Variants in PRKN observed in about 807,000 individuals in gnomAD.
PRKN encodes E3 ubiquitin-protein ligase parkin.
A neutral mutation model predicts 59.5 loss-of-function variants in PRKN; 56 were observed. The observed-to-expected ratio is 0.94, with a 90% CI of 0.76 to 1.18. PRKN has a LOEUF of 1.18. PRKN is among the 50% of genes most tolerant of loss of function. The pLI is 0.00. For synonymous variants in PRKN, 250 were observed against 222.1 expected (o/e 1.13, Z -1.12); for missense variants, 657 against 596.4 (o/e 1.10, Z -1.06).
chr6:161,445,040 T>C lies in PRKN; in HGVS notation c.1084-58163A>G, dbSNP rs72565320. Among the ~76,000 whole-genome samples the C allele has an allele frequency of 3.4e-3, 515 of 152,318 alleles. 22 individuals are homozygous for C. The East Asian group carries it at 0.084, about 25-fold the overall frequency. ...AGGTAACCAACCCCTGCCTACATTTTACTCTGGATTCCAAGAGTAGACTGG... is the reference window on the plus strand; with the variant it reads ...AGGTAACCAACCCCTGCCTACATTTCACTCTGGATTCCAAGAGTAGACTGG... On this transcript the variant is annotated intron_variant, in intron 9 of 11. Coordinates refer to ENST00000366898, the MANE Select transcript of PRKN (RefSeq NM_004562.3). This position sits in a 1 kb window ranked among gnomAD's most constrained non-coding sequence, Gnocchi z 7.7.
At chr6:161,873,038 A>C (rs1441595891) in intron 6 of PRKN, among the ~76,000 whole-genome samples, 2 of 151,368 alleles carry the variant, frequency 1.3e-5, no homozygotes, top group African/African-American at 4.9e-5. Flanking sequence ...GCTGATAATA[A>C]GGGAGGGAGC....
At chr6:162,010,928 A>AATATAATATATAATATAAT (rs1782596410) in intron 5 of PRKN, among the ~76,000 whole-genome samples, 1 of 10,582 alleles carries the variant, frequency 9.5e-5, no homozygotes, top group Non-Finnish European at 1.2e-4. Context: ...TATAATATAT[A>AATATAATATATAATATAAT]ATATAATATA....
intron 7 of PRKN, among the ~76,000 whole-genome samples, chr6:161,764,948 C>G (rs1183341963): frequency 6.6e-6 from 1 of 152,204 alleles, no homozygotes; most frequent in African/African-American, 2.4e-5. Flanking sequence ...TGAGCTCTGA[C>G]AAATATGCCT....
chr6:162,417,324 G>C (rs372406772), intron 2 of PRKN, among the ~76,000 whole-genome samples: 2 of 152,164 alleles, frequency 1.3e-5, no homozygotes, highest in Non-Finnish European at 2.9e-5. Flanking sequence ...TTGATGCCAC[G>C]CGTTGACTGT....
chr6:162,554,956 T>TA (rs1779497428), intron 1 of PRKN, among the ~76,000 whole-genome samples: 1 of 152,200 alleles, frequency 6.6e-6, no homozygotes, highest in African/African-American at 2.4e-5. Flanking sequence ...AATTCTGTGC[T>TA]ACACCTATTA....
intron 3 of PRKN, among the ~76,000 whole-genome samples, chr6:162,207,543 C>T (rs1047911034): frequency 6.6e-6 from 1 of 152,134 alleles, no homozygotes; most frequent in Non-Finnish European, 1.5e-5. Flanking sequence ...TGCAGCCAAC[C>T]GATTCACTTG....
At chr6:161,734,094 C>T (rs1014293689) in intron 7 of PRKN, among the ~76,000 whole-genome samples, 1 of 151,728 alleles carries the variant, frequency 6.6e-6, no homozygotes, top group African/African-American at 2.4e-5. Flanking sequence ...TGTGGTTTTA[C>T]ATCATCCTTC....
At chr6:162,008,142 T>G (rs2128266185) in intron 5 of PRKN, among the ~76,000 whole-genome samples, 1 of 152,238 alleles carries the variant, frequency 6.6e-6, no homozygotes, top group South Asian at 2.1e-4. Flanking sequence ...AGCTGCAAAG[T>G]TTACTATGAA....
chr6:162,339,270 C>T lies in PRKN; in HGVS notation c.172-76505G>A, dbSNP rs1335149331. ...GGGGTCAGCCCCCCGCCCGGCCAGC[C>T]GCCCCGTCCGGGAGGGAGGTGGGGG... On this transcript the variant is annotated intron_variant, in intron 2 of 11. Transcript: ENST00000366898. Among the ~76,000 whole-genome samples the T allele has an allele frequency of 3.7e-4, 54 of 147,390 alleles. No homozygotes were observed. The East Asian group carries it at 9.5e-3, about 26-fold the overall frequency.
chr6:161,926,094 C>T (rs192178255), intron 6 of PRKN, among the ~76,000 whole-genome samples: 6 of 152,262 alleles, frequency 3.9e-5, no homozygotes, highest in East Asian at 3.9e-4. Context: ...CTTTTCAAAA[C>T]GAACTGTTCT....
At chr6:162,508,207 CT>C (rs939832737) in intron 1 of PRKN, among the ~76,000 whole-genome samples, 10 of 152,188 alleles carry the variant, frequency 6.6e-5, no homozygotes, top group African/African-American at 2.4e-4. Flanking sequence ...CCTCCTGAGA[CT>C]TACTCACTAC....
Position 161,549,693 on chromosome 6 carries a change from C to G in PRKN, c.934-690G>C, listed in dbSNP as rs1309181072. ...ATTCCAAACTCCATCAGACCATTTT[C>G]AAGGTCTTCTTTGTGGCAGCCCTAC... On this transcript the variant is annotated intron_variant, in intron 8 of 11. Coordinates refer to ENST00000366898, the MANE Select transcript of PRKN (RefSeq NM_004562.3). This position sits in a 1 kb window ranked among gnomAD's most constrained non-coding sequence, Gnocchi z 6.0. 6.6e-6 allele frequency among the ~76,000 whole-genome samples: 1 copy of G among 152,198 alleles called. No individual in the cohort carries two copies. Among genetic ancestry groups the G allele is most frequent in the African/African-American group, 2.4e-5 (1 of 41,454 alleles).
rs1295450106 is a variant in PRKN at position 161,428,068 on chromosome 6, G to A, written c.1084-41191C>T. Among the ~76,000 whole-genome samples the A allele has an allele frequency of 1.3e-5, 2 of 152,102 alleles. No homozygotes were observed. The highest frequency in any genetic ancestry group is 2.9e-5 in the Non-Finnish European group (2 of 68,018). The stretch of plus-strand genomic sequence containing the variant: ...GTCTGAGTGTGTCTCCGTGGAGCTC[G>A]GCATTTGGACACAGCTCACACGCAT... On this transcript the variant is annotated intron_variant, in intron 9 of 11. Transcript: ENST00000366898. The surrounding 1 kb of genome is among the most constrained non-coding windows in gnomAD (Gnocchi z 4.0).
At position 161,460,509 on chromosome 6, in the gene PRKN, G is replaced by A. The variant is rs554457155; in HGVS notation, c.1084-73632C>T. Among the ~76,000 whole-genome samples the A allele has an allele frequency of 1.1e-4, 17 of 152,216 alleles. No homozygotes were observed. Among genetic ancestry groups the A allele is most frequent in the South Asian group, 4.2e-4 (2 of 4,816 alleles). ...CCAGGGGACACTTCTCTGAACCCCC[G>A]TGATCACTTGGGTTTGGGGAAGGAG... On this transcript the variant is annotated intron_variant, in intron 9 of 11. Transcript: ENST00000366898. This position sits in a 1 kb window ranked among gnomAD's most constrained non-coding sequence, Gnocchi z 5.0.
At chr6:162,025,210 T>C (rs887465816) in intron 5 of PRKN, among the ~76,000 whole-genome samples, 37 of 152,040 alleles carry the variant, frequency 2.4e-4, no homozygotes, top group Middle Eastern at 6.8e-3. Flanking sequence ...AGAGACGGGG[T>C]TTCACCGTGG....
chr6:162,437,563 G>A (rs1789838371), intron 2 of PRKN, among the ~76,000 whole-genome samples: 1 of 152,110 alleles, frequency 6.6e-6, no homozygotes, highest in Admixed American at 6.5e-5. Context: ...CCCTTTCACA[G>A]TCGTACCCTC....
intron 1 of PRKN, among the ~76,000 whole-genome samples, chr6:162,450,368 C>CCA (rs1790549414): frequency 7.4e-6 from 1 of 134,656 alleles, no homozygotes; most frequent in Non-Finnish European, 1.7e-5. Flanking sequence ...GTAAACGCCC[C>CCA]TGTGATTGTA....
rs539221436 is a variant in PRKN, at chr6:162,201,942, T to C, written c.413-690A>G. The stretch of plus-strand genomic sequence containing the variant: ...AATTCAATAGTTCAATCTCAGATCA[T>C]TTCTCTCAACTGTCACCATATAGGG... On this transcript the variant is annotated intron_variant, in intron 3 of 11. Coordinates refer to ENST00000366898, the MANE Select transcript of PRKN (RefSeq NM_004562.3). Among the ~76,000 whole-genome samples, 3 of 152,296 alleles carry C rather than the reference T, an allele frequency of 2.0e-5. No individual in the cohort carries two copies. In the South Asian group the frequency reaches 6.2e-4, roughly 32 times the overall value.
At chr6:161,768,722 G>C (rs949917416) in intron 7 of PRKN, among the ~76,000 whole-genome samples, 5 of 152,048 alleles carry the variant, frequency 3.3e-5, no homozygotes, top group African/African-American at 1.2e-4. Flanking sequence ...CTACATATCT[G>C]TTTAATATCA....
Sources: allele counts gnomAD v4.1 joint callset (sites outside exome capture counted in the v4.1 genomes callset), GRCh38; gene constraint gnomAD v4.1.1; non-coding constraint Gnocchi (gnomAD v3.1); transcripts MANE v1.5; gene names NCBI Gene and HGNC (gene_info 2026-07-23, HGNC 2026-07-21).